Variants in BNIP2 observed in about 807,000 individuals in gnomAD.
BNIP2 encodes the protein BCL2 interacting protein 2, also known as BCL2/adenovirus E1B 19 kDa protein-interacting protein 2.
In BNIP2, 36 loss-of-function variants were observed where a neutral mutation model predicts 43.4. The ratio of observed to expected loss-of-function variants is 0.83; its 90% CI spans 0.64 to 1.10. The LOEUF is 1.10. BNIP2 is among the 50% of genes least tolerant of loss of function. The pLI is 0.00. For synonymous variants in BNIP2, 146 were observed against 121.0 expected (o/e 1.21, Z -1.35); for missense variants, 417 against 374.1 (o/e 1.11, Z -0.95).
chr15:59,683,320 G>C (rs1346523000), intron 1 of BNIP2, among the ~76,000 whole-genome samples: 1 of 152,184 alleles, frequency 6.6e-6, no homozygotes, highest in Non-Finnish European at 1.5e-5. Flanking sequence ...AGATCAACTG[G>C]TTAACAATGC....
At chr15:59,664,225 G>C (rs1892431296) in intron 9 of BNIP2, 105 bp from the exon 10 acceptor site, 1 of 668,712 alleles carries the variant, frequency 1.5e-6, no homozygotes, top group South Asian at 3.2e-5. Flanking sequence ...TAAAGACAAA[G>C]CTTTGCAAAG....
At chr15:59,665,688 C>A (rs1892529063) in intron 9 of BNIP2, among the ~76,000 whole-genome samples, 1 of 152,144 alleles carries the variant, frequency 6.6e-6, no homozygotes, top group African/African-American at 2.4e-5. Context: ...AAAATTTACG[C>A]ATGTGGGCAT....
intron 8 of BNIP2, 77 bp from the exon 9 acceptor site, chr15:59,669,067 A>G: frequency 3.8e-6 from 5 of 1,318,878 alleles, no homozygotes; most frequent in African/African-American, 3.0e-5. Flanking sequence ...AGATACAAAA[A>G]TCATGTCATT....
chr15:59,688,804 C>T (rs1447407756), intron 1 of BNIP2: 7 of 1,535,168 alleles, frequency 4.6e-6, no homozygotes, highest in East Asian at 2.4e-5. Flanking sequence ...GTAGCCCAGC[C>T]ACTTCACCCA....
Position 59,662,390 on chromosome 15 carries a change from T to C in BNIP2, c.*1679A>G, listed in dbSNP as rs1375992573. 6.6e-6 allele frequency: 1 copy of C among 152,250 alleles called. No individual in the cohort carries two copies. The highest frequency in any genetic ancestry group is 1.5e-5 in the Non-Finnish European group (1 of 68,050). 9.4% of individuals were successfully genotyped at this position (152,250 alleles called of 1,614,324 possible). On this transcript the variant is annotated 3_prime_UTR_variant, in exon 10 of 10. Transcript: ENST00000607373. ...AAATGTGAGCAAGCAATAATCGTTTTGGCTCAATTCACTGTAATGACATTA... is the reference window on the plus strand; with the variant it reads ...AAATGTGAGCAAGCAATAATCGTTTCGGCTCAATTCACTGTAATGACATTA...
chr15:59,688,036 T>C (rs922092498), intron 1 of BNIP2, among the ~76,000 whole-genome samples: 16 of 152,210 alleles, frequency 1.1e-4, no homozygotes, highest in African/African-American at 3.4e-4. Flanking sequence ...AAGACCATAA[T>C]AGCACTGACT....
intron 7 of BNIP2, among the ~76,000 whole-genome samples, 185 bp downstream of exon 7, chr15:59,670,998 G>GGGAGGT (rs1232116884): frequency 1.3e-5 from 2 of 151,910 alleles, no homozygotes; most frequent in Non-Finnish European, 2.9e-5. Flanking sequence ...GCTTGAACCT[G>GGGAGGT]GGAGGTGGAG....
At chr15:59,681,610 T>G (rs1049129430) in intron 2 of BNIP2, among the ~76,000 whole-genome samples, 2 of 152,098 alleles carry the variant, frequency 1.3e-5, no homozygotes, top group African/African-American at 4.8e-5. Flanking sequence ...CAAGCCTGGC[T>G]AATTTTTTGT....
intron 9 of BNIP2, chr15:59,668,065 A>C (rs763122285): frequency 1.6e-6 from 2 of 1,259,446 alleles, no homozygotes; most frequent in South Asian, 1.3e-5. Context: ...ATGCAAATGG[A>C]CTAGTCTAGA....
At chr15:59,671,711 G>T (rs759188883) in intron 6 of BNIP2, among the ~76,000 whole-genome samples, 3 of 152,190 alleles carry the variant, frequency 2.0e-5, no homozygotes, top group Admixed American at 6.5e-5. Context: ...TGTGGAAAAA[G>T]AACTGATTTG....
At chr15:59,680,006 C>A (rs1893560101) in intron 3 of BNIP2, among the ~76,000 whole-genome samples, 1 of 152,114 alleles carries the variant, frequency 6.6e-6, no homozygotes, top group Non-Finnish European at 1.5e-5. Context: ...ATACCTCTTA[C>A]CACTAAAAAT....
At chr15:59,685,552 A>T (rs1393657703) in intron 1 of BNIP2, among the ~76,000 whole-genome samples, 1 of 152,168 alleles carries the variant, frequency 6.6e-6, no homozygotes, top group Non-Finnish European at 1.5e-5. Context: ...TCCTCGAAAC[A>T]CAGGCAGCCC....
chr15:59,670,370 A>G (rs1892823478), intron 7 of BNIP2, among the ~76,000 whole-genome samples: 1 of 152,176 alleles, frequency 6.6e-6, no homozygotes, highest in Non-Finnish European at 1.5e-5. Context: ...GGTTGCCGCT[A>G]CAGTGAGCAG....
chr15:59,663,904 AGCAGTG>A lies in BNIP2; in HGVS notation c.*159_*164del. On this transcript the variant is annotated 3_prime_UTR_variant, in exon 10 of 10. Coordinates refer to ENST00000607373, the MANE Select transcript of BNIP2 (RefSeq NM_004330.4). ...ATTCAAGAAATTTGCAAACCAGTACAGCAGTGAACAGTCCCTTGTATAATACAAAAG... is the reference window on the plus strand; with the variant it reads ...ATTCAAGAAATTTGCAAACCAGTACAAACAGTCCCTTGTATAATACAAAAG... 2.1e-6 allele frequency: 1 copy of A among 469,350 alleles called. No homozygotes were observed. 29.1% of individuals were successfully genotyped at this position (469,350 alleles called of 1,614,324 possible).
rs1301133365 is a variant in BNIP2, at chr15:59,659,463, G to A, written c.*4606C>T. 1 of 152,220 alleles carries A rather than the reference G, an allele frequency of 6.6e-6. No individual in the cohort carries two copies. The highest frequency in any genetic ancestry group is 1.5e-5 in the Non-Finnish European group (1 of 68,038). 9.4% of individuals were successfully genotyped at this position (152,220 alleles called of 1,614,324 possible). A position where few individuals can be genotyped will look rare whatever the true frequency, so the allele number is the denominator to read the frequency against. Reference sequence around the variant, plus strand: ...ATTTTTGGAATAGATATCAAAGTGTGTTAATGTCTTAACAAACTCTGAATT... The same window carrying A: ...ATTTTTGGAATAGATATCAAAGTGTATTAATGTCTTAACAAACTCTGAATT... On this transcript the variant is annotated 3_prime_UTR_variant, in exon 10 of 10. Coordinates refer to ENST00000607373, the MANE Select transcript of BNIP2 (RefSeq NM_004330.4).
intron 4 of BNIP2, 121 bp from the exon 5 acceptor site, chr15:59,678,208 C>A (rs4775199): frequency 1 from 1,400,531 of 1,401,872 alleles, 699,604 homozygotes; most frequent in East Asian, 1. Flanking sequence ...GCACAATTTT[C>A]AATCTCTCTT....
chr15:59,669,320 A>G lies in BNIP2; in HGVS notation c.750T>C (p.Ser250=). Residue 250 remains serine, a synonymous_variant, in exon 8 of 10, where the codon TCT becomes TCC. Coordinates refer to ENST00000607373, the MANE Select transcript of BNIP2 (RefSeq NM_004330.4). ...CAGCCAGAAGTGTTCTGATAAACCAAGAAGGATGTACAATGATTAGGGATT... is the reference window on the plus strand; with the variant it reads ...CAGCCAGAAGTGTTCTGATAAACCAGGAAGGATGTACAATGATTAGGGATT... The part of the protein sequence containing the change: ...NLKSLIIVHP[S]WFIRTLLAVT... 1.9e-6 allele frequency: 3 copies of G among 1,553,948 alleles called. No homozygotes were observed. The highest frequency in any genetic ancestry group is 1.3e-5 in the South Asian group (1 of 77,360).
intron 9 of BNIP2, among the ~76,000 whole-genome samples, chr15:59,666,559 TG>T (rs1423994207): frequency 1.3e-5 from 2 of 151,938 alleles, no homozygotes; most frequent in Non-Finnish European, 2.9e-5. Flanking sequence ...CCCAGCTACT[TG>T]GGGGGCTGAG....
chr15:59,678,539 C>T (rs569877364), intron 4 of BNIP2: 2 of 1,075,144 alleles, frequency 1.9e-6, no homozygotes, highest in African/African-American at 3.4e-5. Context: ...AAGTGGTTAA[C>T]TACTCAATGA....
Sources: allele counts gnomAD v4.1 joint callset (sites outside exome capture counted in the v4.1 genomes callset), GRCh38; gene constraint gnomAD v4.1.1; transcripts MANE v1.5; gene names NCBI Gene and HGNC (gene_info 2026-07-23, HGNC 2026-07-21).